Variants in RBFOX1 observed in about 807,000 individuals in gnomAD.
The protein encoded by RBFOX1 is RNA binding protein fox-1 homolog 1.
Under a neutral mutation model 57.7 loss-of-function variants are expected in RBFOX1, and 8 were observed. The ratio of observed to expected loss-of-function variants is 0.14; its 90% CI spans 0.08 to 0.25. The LOEUF (loss-of-function observed/expected upper bound fraction) is 0.25. RBFOX1 is among the 10% of genes least tolerant of loss of function. The pLI is 1.00. For missense variants in RBFOX1, 611 were observed against 548.5 expected (o/e 1.11, Z -1.14); for synonymous variants, 326 against 222.4 (o/e 1.47, Z -4.15).
chr16:7,461,672 T>G (rs1381880434), intron 4 of RBFOX1, among the ~76,000 whole-genome samples: 2 of 152,174 alleles, frequency 1.3e-5, no homozygotes, highest in Admixed American at 6.5e-5. Flanking sequence ...CCCCATTCAC[T>G]GGGTTGAGCA....
intron 3 of RBFOX1, among the ~76,000 whole-genome samples, chr16:7,043,856 A>T (rs1221056505): frequency 6.6e-6 from 1 of 152,164 alleles, no homozygotes; most frequent in Non-Finnish European, 1.5e-5. Context: ...TGAGCTTTCC[A>T]CACATCCTCC....
At chr16:6,897,895 C>G (rs73546227) in intron 3 of RBFOX1, among the ~76,000 whole-genome samples, 12,112 of 152,204 alleles carry the variant, frequency 0.08, 1,622 homozygotes, top group African/African-American at 0.27. Flanking sequence ...CCCCAATTCC[C>G]TGGAGCTCTT....
intron 14 of RBFOX1, among the ~76,000 whole-genome samples, chr16:7,703,311 C>G (rs1437211618): frequency 6.6e-6 from 1 of 152,218 alleles, no homozygotes; most frequent in Non-Finnish European, 1.5e-5. Flanking sequence ...CAGCCCTTCT[C>G]TGTGTTGGGA....
At chr16:5,242,022 G>A (rs2062180594) in intron 1 of RBFOX1, among the ~76,000 whole-genome samples, 1 of 152,048 alleles carries the variant, frequency 6.6e-6, no homozygotes, top group Admixed American at 6.6e-5. Context: ...GGCTGAGGTG[G>A]GAGGATTGCT....
chr16:7,423,452 A>C (rs1568815300), intron 4 of RBFOX1, among the ~76,000 whole-genome samples: 1 of 152,142 alleles, frequency 6.6e-6, no homozygotes, highest in African/African-American at 2.4e-5. Flanking sequence ...TTCTGCCAGC[A>C]GAATGGTAGA....
intron 1 of RBFOX1, among the ~76,000 whole-genome samples, chr16:6,090,513 G>C (rs1268369753): frequency 6.6e-6 from 1 of 152,206 alleles, no homozygotes; most frequent in Admixed American, 6.5e-5. Context: ...AAGTCAGCAG[G>C]TTCTAAAAGG....
At chr16:6,158,711 C>A (rs2096856105) in intron 1 of RBFOX1, among the ~76,000 whole-genome samples, 1 of 152,126 alleles carries the variant, frequency 6.6e-6, no homozygotes, top group Admixed American at 6.5e-5. Context: ...AGACATTTTG[C>A]TGTGTGTATG....
At chr16:7,693,599 G>T (rs531895886) in intron 14 of RBFOX1, among the ~76,000 whole-genome samples, 3 of 151,906 alleles carry the variant, frequency 2.0e-5, no homozygotes, top group Non-Finnish European at 4.4e-5. Context: ...AATAATACAT[G>T]GTCCAGAAAA....
At chr16:7,510,191 C>G (rs1157836173) in intron 4 of RBFOX1, 5 of 985,802 alleles carry the variant, frequency 5.1e-6, no homozygotes, top group African/African-American at 1.7e-5. Context: ...ATCATCCACA[C>G]ATTGCACAGC....
At chr16:5,383,075 C>T (rs764406767) in intron 1 of RBFOX1, among the ~76,000 whole-genome samples, 1 of 152,204 alleles carries the variant, frequency 6.6e-6, no homozygotes, top group Non-Finnish European at 1.5e-5. Flanking sequence ...GCCACAGTTT[C>T]CAGATGCGGC....
chr16:5,779,327 A>T (rs1049201176), intron 3 of RBFOX1, among the ~76,000 whole-genome samples: 2 of 152,138 alleles, frequency 1.3e-5, no homozygotes, highest in Non-Finnish European at 1.5e-5. Context: ...TAAATTTCCA[A>T]ACTTGATCTC....
At chr16:6,625,265 G>C (rs2098288566) in intron 2 of RBFOX1, among the ~76,000 whole-genome samples, 1 of 149,208 alleles carries the variant, frequency 6.7e-6, no homozygotes, top group African/African-American at 2.5e-5. Flanking sequence ...GTTGAGTTAA[G>C]TGCTAAAGTG....
chr16:7,273,711 G>T lies in RBFOX1; in HGVS notation c.27+221613G>T, dbSNP rs567274167. On this transcript the variant is annotated intron_variant, in intron 4 of 15. Transcript: ENST00000550418. ...TGGACCTTATTTTTAAATACAGGACGTTTAGTAATTTTATCTAAATTCCCC... is the reference window on the plus strand; with the variant it reads ...TGGACCTTATTTTTAAATACAGGACTTTTAGTAATTTTATCTAAATTCCCC... Among the ~76,000 whole-genome samples, 5 of 152,302 alleles carry T rather than the reference G, an allele frequency of 3.3e-5. No homozygotes were observed. In the East Asian group the frequency reaches 7.7e-4, roughly 24 times the overall value.
intron 2 of RBFOX1, among the ~76,000 whole-genome samples, chr16:6,326,757 C>G (rs2082415690): frequency 6.7e-6 from 1 of 148,182 alleles, no homozygotes; most frequent in Non-Finnish European, 1.5e-5. Context: ...CAATTTCAAG[C>G]AGATTGACTA....
chr16:6,021,145 C>G (rs2095067362), intron 1 of RBFOX1, among the ~76,000 whole-genome samples: 1 of 152,166 alleles, frequency 6.6e-6, no homozygotes, highest in Non-Finnish European at 1.5e-5. Context: ...GGTGAAATAG[C>G]TTTGTTGAGT....
intron 4 of RBFOX1, among the ~76,000 whole-genome samples, chr16:7,438,820 A>G (rs2098742829): frequency 6.6e-6 from 1 of 152,152 alleles, no homozygotes; most frequent in Non-Finnish European, 1.5e-5. Flanking sequence ...GGCCCAACCT[A>G]GACTTTCAAC....
intron 4 of RBFOX1, among the ~76,000 whole-genome samples, chr16:7,143,894 C>G (rs898476186): frequency 5.3e-5 from 8 of 152,140 alleles, no homozygotes; most frequent in Admixed American, 4.6e-4. Flanking sequence ...TATATAGTCC[C>G]TAGGAGCTAT....
At chr16:6,860,895 A>C (rs948266221) in intron 3 of RBFOX1, among the ~76,000 whole-genome samples, 1 of 152,206 alleles carries the variant, frequency 6.6e-6, no homozygotes, top group Non-Finnish European at 1.5e-5. Context: ...TCCAAAATAT[A>C]CATTTATATG....
At chr16:5,853,009 C>T (rs2056935452) in intron 3 of RBFOX1, among the ~76,000 whole-genome samples, 2 of 152,050 alleles carry the variant, frequency 1.3e-5, no homozygotes, top group Admixed American at 1.3e-4. Flanking sequence ...ACTGCAGGTC[C>T]CTTGGTTACA....
Sources: allele counts gnomAD v4.1 joint callset (sites outside exome capture counted in the v4.1 genomes callset), GRCh38; gene constraint gnomAD v4.1.1; transcripts MANE v1.5; gene names NCBI Gene and HGNC (gene_info 2026-07-23, HGNC 2026-07-21).